Variants in DIS3L2 observed in about 807,000 individuals in gnomAD.
The protein encoded by DIS3L2 is DIS3-like exonuclease 2.
DIS3L2 carries 34 observed loss-of-function variants against 97.5 expected under a neutral mutation model. That is an observed-to-expected ratio of 0.35 (90% CI 0.27 to 0.46). DIS3L2 has a LOEUF of 0.46. Among genes scored for constraint, DIS3L2 ranks in the 20% least tolerant of loss-of-function variants. DIS3L2 has a pLI of 1.00. For synonymous variants in DIS3L2, 435 were observed against 445.2 expected, an observed-to-expected ratio of 0.98 and a Z score of 0.29; for missense variants, 1,038 against 1,146.0, an observed-to-expected ratio of 0.91 and a Z score of 1.36.
chr2:232,027,258 T>C (rs924938530), intron 4 of DIS3L2, among the ~76,000 whole-genome samples: 5 of 152,186 alleles, frequency 3.3e-5, no homozygotes. Context: ...CTTAGGTTCA[T>C]TATAGCTTCT....
At chr2:232,242,804 G>T (rs1432694272) in intron 11 of DIS3L2, among the ~76,000 whole-genome samples, 2 of 152,164 alleles carry the variant, frequency 1.3e-5, no homozygotes, top group Non-Finnish European at 2.9e-5. Context: ...CTTAAGCTCT[G>T]CCCTGACTCA....
chr2:232,130,479 G>A, intron 6 of DIS3L2, 140 bp from the exon 7 acceptor site: 1 of 928,860 alleles, frequency 1.1e-6, no homozygotes, highest in Non-Finnish European at 1.6e-6. Flanking sequence ...AGGTCCACTG[G>A]CGGCCTGGGG....
chr2:232,059,948 T>A (rs949825197), intron 5 of DIS3L2, among the ~76,000 whole-genome samples: 1 of 152,174 alleles, frequency 6.6e-6, no homozygotes. Flanking sequence ...AATGAACATA[T>A]GAGTGCATGT....
At chr2:232,021,101 G>A (rs1456808866) in intron 3 of DIS3L2, among the ~76,000 whole-genome samples, 2 of 152,178 alleles carry the variant, frequency 1.3e-5, no homozygotes, top group African/African-American at 2.4e-5. Context: ...TAGCCCAGTT[G>A]TGTGGTGTTT....
chr2:232,315,123 A>G (rs1377713168), intron 14 of DIS3L2, among the ~76,000 whole-genome samples: 6 of 152,190 alleles, frequency 3.9e-5, no homozygotes, highest in African/African-American at 1.4e-4. Flanking sequence ...AAGGAGTTCT[A>G]GAAGAGACTG....
At chr2:232,208,312 T>G in intron 9 of DIS3L2, among the ~76,000 whole-genome samples, 1 of 149,752 alleles carries the variant, frequency 6.7e-6, no homozygotes, top group Non-Finnish European at 1.5e-5. Flanking sequence ...CCCCCACCCT[T>G]TTTTGTTTTT....
chr2:232,300,005 C>G, intron 13 of DIS3L2, 35 bp from the exon 14 acceptor site: 1 of 1,602,344 alleles, frequency 6.2e-7, no homozygotes, highest in Non-Finnish European at 8.5e-7. Flanking sequence ...GAGCATGCTG[C>G]CTAAAACTTC....
chr2:232,263,523 A>C, intron 13 of DIS3L2, 83 bp downstream of exon 13: 1 of 1,346,736 alleles, frequency 7.4e-7, no homozygotes, highest in African/African-American at 1.4e-5. Context: ...TGGCAGGCTT[A>C]GACTCTTCCT....
chr2:232,124,058 C>T (rs1320961531), intron 6 of DIS3L2, among the ~76,000 whole-genome samples: 1 of 152,150 alleles, frequency 6.6e-6, no homozygotes, highest in Non-Finnish European at 1.5e-5. Flanking sequence ...ACCAGGCATC[C>T]AAGGAAATCA....
chr2:232,280,160 G>A (rs1163204416), intron 13 of DIS3L2, among the ~76,000 whole-genome samples: 2 of 152,008 alleles, frequency 1.3e-5, no homozygotes, highest in Admixed American at 6.6e-5. Context: ...TATTGCCCAG[G>A]CCTAGAAGTT....
chr2:231,985,969 A>G (rs1427062101), intron 1 of DIS3L2, among the ~76,000 whole-genome samples: 1 of 152,228 alleles, frequency 6.6e-6, no homozygotes, highest in Non-Finnish European at 1.5e-5. Context: ...CAGTGCGTCT[A>G]GAACAAGTCG....
chr2:232,123,966 C>G (rs1459541545), intron 6 of DIS3L2, among the ~76,000 whole-genome samples: 2 of 152,096 alleles, frequency 1.3e-5, no homozygotes, highest in East Asian at 3.9e-4. Flanking sequence ...GGATATCTGG[C>G]AAAATCAAGT....
At chr2:232,157,550 C>G (rs913885149) in intron 8 of DIS3L2, among the ~76,000 whole-genome samples, 1 of 152,184 alleles carries the variant, frequency 6.6e-6, no homozygotes, top group Non-Finnish European at 1.5e-5. Flanking sequence ...TTTCGTAAAT[C>G]TGAGGATTGT....
At chr2:232,329,685 G>A in intron 14 of DIS3L2, 128 bp from the exon 15 acceptor site, 1 of 930,358 alleles carries the variant, frequency 1.1e-6, no homozygotes. Context: ...TGAGGTAGCT[G>A]GGAGGTTGTC....
chr2:232,335,973 C>T (rs1559221059), intron 20 of DIS3L2, 99 bp downstream of exon 20: 2 of 1,537,888 alleles, frequency 1.3e-6, no homozygotes, highest in Non-Finnish European at 1.8e-6. Context: ...CCTGGGCTCC[C>T]CCAGCACTGC....
At chr2:232,333,764 T>TATTC in intron 16 of DIS3L2, 76 bp from the exon 17 acceptor site, 13 of 1,444,534 alleles carry the variant, frequency 9.0e-6, no homozygotes, top group East Asian at 5.0e-5. Context: ...ACGGTGAGGC[T>TATTC]GTGGGTGGTG....
At chr2:232,257,611 A>G (rs1163017130) in intron 12 of DIS3L2, among the ~76,000 whole-genome samples, 1 of 152,154 alleles carries the variant, frequency 6.6e-6, no homozygotes, top group African/African-American at 2.4e-5. Context: ...GGAAGCCCGG[A>G]GCTCCTGCAA....
At chr2:232,164,876 T>A (rs1690759201) in intron 9 of DIS3L2, among the ~76,000 whole-genome samples, 1 of 152,192 alleles carries the variant, frequency 6.6e-6, no homozygotes, top group East Asian at 1.9e-4. Flanking sequence ...GAACCTTTGT[T>A]TTCTCATATA....
chr2:232,008,113 G>C (rs549733566), intron 1 of DIS3L2, among the ~76,000 whole-genome samples: 1 of 151,854 alleles, frequency 6.6e-6, no homozygotes, highest in Admixed American at 6.5e-5. Flanking sequence ...CCCAGGCTTA[G>C]GTGATCTTCC....
Sources: allele counts gnomAD v4.1 joint callset (sites outside exome capture counted in the v4.1 genomes callset), GRCh38; gene constraint gnomAD v4.1.1; transcripts MANE v1.5; gene names NCBI Gene and HGNC (gene_info 2026-07-23, HGNC 2026-07-21).